PITPNA: variants seen among roughly 807,000 people sequenced by gnomAD.
PITPNA encodes phosphatidylinositol transfer protein alpha isoform.
A neutral mutation model predicts 50.3 loss-of-function variants in PITPNA; 13 were observed. The observed-to-expected ratio is 0.26, with a 90% CI of 0.17 to 0.41. The LOEUF (loss-of-function observed/expected upper bound fraction) is 0.41, where lower values mean the gene tolerates loss of function less well. PITPNA is among the 10% of genes least tolerant of loss of function. The pLI is 1.00. For missense variants in PITPNA, 207 were observed against 333.4 expected (o/e 0.62, Z 2.95); for synonymous variants, 120 against 119.6 (o/e 1.00, Z -0.02).
chr17:1,527,989 C>T (rs568606528), intron 10 of PITPNA, among the ~76,000 whole-genome samples: 1 of 152,154 alleles, frequency 6.6e-6, no homozygotes, highest in South Asian at 2.1e-4. Flanking sequence ...TGAGACCAGC[C>T]TGGACAACAT....
chr17:1,541,804 G>C (rs1389363382), intron 5 of PITPNA, 164 bp from the exon 6 acceptor site: 1 of 704,546 alleles, frequency 1.4e-6, no homozygotes, highest in Non-Finnish European at 2.7e-6. Flanking sequence ...GACACACTAG[G>C]CATGTATTAT....
At chr17:1,539,798 G>A (rs1465430940) in intron 6 of PITPNA, among the ~76,000 whole-genome samples, 4 of 152,240 alleles carry the variant, frequency 2.6e-5, no homozygotes, top group Admixed American at 6.5e-5. Flanking sequence ...GTGCAATGGC[G>A]CGATCTCGGC....
At chr17:1,524,401 G>C (rs2151002094) in intron 10 of PITPNA, among the ~76,000 whole-genome samples, 1 of 148,992 alleles carries the variant, frequency 6.7e-6, no homozygotes, top group East Asian at 2.0e-4. Flanking sequence ...CTGGAGTGCA[G>C]TGGTGCGATC....
chr17:1,536,463 G>A (rs1348484284), intron 7 of PITPNA, among the ~76,000 whole-genome samples: 2 of 150,480 alleles, frequency 1.3e-5, no homozygotes, highest in Non-Finnish European at 3.0e-5. Flanking sequence ...AATTTTTTTT[G>A]TATTTTTAGT....
At chr17:1,560,272 G>C (rs983687657) in intron 1 of PITPNA, among the ~76,000 whole-genome samples, 1 of 152,196 alleles carries the variant, frequency 6.6e-6, no homozygotes, top group Non-Finnish European at 1.5e-5. Flanking sequence ...CAATTCCAAA[G>C]GACAGGGCCA....
intron 7 of PITPNA, among the ~76,000 whole-genome samples, chr17:1,537,220 C>A (rs760552272): frequency 1.3e-4 from 20 of 152,124 alleles, no homozygotes; most frequent in Admixed American, 1.2e-3. Context: ...CCTGCCACCA[C>A]GCCTGGCTAA....
At chr17:1,559,810 A>C in intron 1 of PITPNA, 2 of 982,350 alleles carry the variant, frequency 2.0e-6, no homozygotes, top group Non-Finnish European at 2.4e-6. Context: ...ATGGGCTCCA[A>C]GTCTTTACTG....
rs2075707869 is a variant in PITPNA at position 1,551,291 on chromosome 17, T to G, written c.197+1713A>C. Among the ~76,000 whole-genome samples the G allele has an allele frequency of 2.0e-5, 3 of 151,300 alleles. No homozygotes were observed. In the South Asian group the frequency reaches 6.2e-4, roughly 31 times the overall value. On this transcript the variant is annotated intron_variant, in intron 3 of 11. Coordinates refer to ENST00000313486, the MANE Select transcript of PITPNA (RefSeq NM_006224.4). ...GCCTTTTCTTTTTCTTTTTTTTCTT[T>G]TTTTTTTTTTGTAAGAGACAGGCGG...
At chr17:1,530,155 T>C (rs2075572728) in intron 10 of PITPNA, among the ~76,000 whole-genome samples, 1 of 152,154 alleles carries the variant, frequency 6.6e-6, no homozygotes, top group African/African-American at 2.4e-5. Context: ...AATATTTTTA[T>C]TACTACCATA....
chr17:1,559,790 G>C (rs1473495004), intron 1 of PITPNA: 1 of 984,954 alleles, frequency 1.0e-6, no homozygotes, highest in East Asian at 1.1e-4. Context: ...AAAGTAGCAG[G>C]AAAAACAAAA....
chr17:1,562,707 G>C lies in PITPNA; in HGVS notation c.-147C>G. The stretch of plus-strand genomic sequence containing the variant: ...CGTCCCCGCCGCCCTCGCCGCGGTC[G>C]CCGCGCCGGCTCCTGCCGCCCGGGC... On this transcript the variant is annotated 5_prime_UTR_variant, in exon 1 of 12. Coordinates refer to ENST00000313486, the MANE Select transcript of PITPNA (RefSeq NM_006224.4). This position sits in a 1 kb window ranked among gnomAD's most constrained non-coding sequence, Gnocchi z 6.4. 2.5e-6 allele frequency: 1 copy of C among 393,350 alleles called. No individual in the cohort carries two copies. The highest frequency in any genetic ancestry group is 3.5e-6 in the Non-Finnish European group (1 of 282,510). 24.4% of individuals were successfully genotyped at this position (393,350 alleles called of 1,614,324 possible). A position where few individuals can be genotyped will look rare whatever the true frequency, so the allele number is the denominator to read the frequency against.
chr17:1,533,984 C>T (rs2270228), intron 10 of PITPNA, 115 bp downstream of exon 10: 113,089 of 1,195,822 alleles, frequency 0.095, 10,641 homozygotes, highest in East Asian at 0.43. Flanking sequence ...CTGTAGCAGA[C>T]ACTGACGTGT....
intron 1 of PITPNA, among the ~76,000 whole-genome samples, chr17:1,561,943 C>T (rs2075770594): frequency 6.6e-6 from 1 of 152,208 alleles, no homozygotes; most frequent in Admixed American, 6.5e-5. Context: ...GCCGGGAGGC[C>T]CTGCCTGCCC....
chr17:1,561,969 T>A (rs1459718625), intron 1 of PITPNA, among the ~76,000 whole-genome samples: 3 of 151,896 alleles, frequency 2.0e-5, no homozygotes, highest in Non-Finnish European at 4.4e-5. Context: ...CGCCTCTTCC[T>A]CGGCCGCCGC....
intron 7 of PITPNA, among the ~76,000 whole-genome samples, chr17:1,536,900 T>A (rs2075621241): frequency 6.7e-6 from 1 of 149,486 alleles, no homozygotes; most frequent in Non-Finnish European, 1.5e-5. Context: ...GCCGATTTTT[T>A]TTTTTTTTTT....
chr17:1,544,497 T>C (rs540653156), intron 4 of PITPNA, among the ~76,000 whole-genome samples: 1 of 152,164 alleles, frequency 6.6e-6, no homozygotes, highest in South Asian at 2.1e-4. Context: ...CCCCAAACCT[T>C]CTCCAGCCCT....
At chr17:1,546,302 G>C (rs865817611) in intron 4 of PITPNA, among the ~76,000 whole-genome samples, 17 of 152,160 alleles carry the variant, frequency 1.1e-4, no homozygotes, top group African/African-American at 3.9e-4. Context: ...AAGGAGTAGG[G>C]AGGGCTGTGC....
intron 1 of PITPNA, chr17:1,559,646 G>C (rs779918048): frequency 2.7e-5 from 9 of 338,090 alleles, no homozygotes; most frequent in Non-Finnish European, 3.8e-5. Flanking sequence ...TTATGCAGCC[G>C]GCTCACCACT....
At chr17:1,536,985 G>A (rs1370740479) in intron 7 of PITPNA, among the ~76,000 whole-genome samples, 1 of 140,410 alleles carries the variant, frequency 7.1e-6, no homozygotes, top group Non-Finnish European at 1.5e-5. Context: ...TGGAACCTCC[G>A]CCTCCTGAGT....
Sources: allele counts gnomAD v4.1 joint callset (sites outside exome capture counted in the v4.1 genomes callset), GRCh38; gene constraint gnomAD v4.1.1; non-coding constraint Gnocchi (gnomAD v3.1); transcripts MANE v1.5; gene names NCBI Gene and HGNC (gene_info 2026-07-23, HGNC 2026-07-21).